Variants in RHOF observed in about 807,000 individuals in gnomAD.
RHOF encodes rho-related GTP-binding protein RhoF.
In RHOF, 21 loss-of-function variants were observed where a neutral mutation model predicts 22.2. That is an observed-to-expected ratio of 0.95 (90% confidence interval 0.67 to 1.36). The LOEUF is 1.36. Ranked by LOEUF, RHOF falls within the 40% of genes most tolerant of loss-of-function variation. The probability of loss-of-function intolerance (pLI) is 0.00; values close to 1 mark genes in which losing one functional copy is unlikely to be tolerated. For missense variants in RHOF, 285 were observed against 293.7 expected (o/e 0.97, Z 0.22); for synonymous variants, 135 against 131.2 (o/e 1.03, Z -0.20).
chr12:121,793,676 G>A lies in RHOF; in HGVS notation c.-43C>T, dbSNP rs1445372357. 1 of 1,482,796 alleles carries A rather than the reference G, an allele frequency of 6.7e-7. No homozygotes were observed. The highest frequency in any genetic ancestry group is 8.9e-7 in the Non-Finnish European group (1 of 1,124,174). 91.9% of individuals were successfully genotyped at this position (1,482,796 alleles called of 1,614,324 possible). A position where few individuals can be genotyped will look rare whatever the true frequency, so the allele number is the denominator to read the frequency against. On this transcript the variant is annotated 5_prime_UTR_variant, in exon 1 of 5. Coordinates refer to ENST00000267205, the MANE Select transcript of RHOF (RefSeq NM_019034.3). The stretch of plus-strand genomic sequence containing the variant: ...ACTGGCGGCGGCGCGCCGGGCACTA[G>A]CGGAGCCAAGAGGTCGGGGGCGGGG...
In RHOF at chr12:121,793,612, C is replaced by T. The variant is rs1202373188; in HGVS notation, c.22G>A (p.Ala8Thr). Residue 8 changes from alanine to threonine, a missense_variant, in exon 1 of 5, where the codon GCC (alanine) becomes ACC (threonine). By Grantham distance (58) the Ala-to-Thr change is moderately conservative. Transcript: ENST00000267205. ...CCCGGACCGGGGGCGGCGGTCTGGG[C>T]CAGGGCCCCGGGGGCATCCATTGCC... The part of the protein sequence containing the change: MDAPGAL[A>T]QTAAPGPGRK... 2 of 1,548,578 alleles carry T rather than the reference C, an allele frequency of 1.3e-6. No homozygotes were observed. The highest frequency in any genetic ancestry group is 1.7e-6 in the Non-Finnish European group (2 of 1,152,906).
rs559039409 is a variant in RHOF at position 121,787,758 on chromosome 12, C to T, written c.226+5394G>A. On this transcript the variant is annotated intron_variant, in intron 2 of 4. Coordinates refer to ENST00000267205, the MANE Select transcript of RHOF (RefSeq NM_019034.3). ...CTCTACTAAAAATACAAAAATTAGC[C>T]GGATGTGGTGGCATATGCCTGTAAT... 7.2e-5 allele frequency among the ~76,000 whole-genome samples: 11 copies of T among 152,056 alleles called. No homozygotes were observed. The South Asian group carries it at 1.0e-3, about 14-fold the overall frequency.
At position 121,778,505 on chromosome 12, in the gene RHOF, G is replaced by A. The variant is rs1203766658; in HGVS notation, c.*993C>T. On this transcript the variant is annotated 3_prime_UTR_variant, in exon 5 of 5. Transcript: ENST00000267205. ...CCCTCGGCCCCAGACCTTCCCAAAG[G>A]AGGCTCAGGGATTAGGTATCTGGCT... is the stretch of plus-strand genomic sequence containing the variant. 6.6e-6 allele frequency: 1 copy of A among 151,634 alleles called. No individual in the cohort carries two copies. Among genetic ancestry groups the A allele is most frequent in the Non-Finnish European group, 1.5e-5 (1 of 68,092 alleles). The allele number at this position is 151,634 out of a possible 1,614,324, so 9.4% of individuals were successfully genotyped here.
At chr12:121,788,191 GCCC>G (rs1874662784) in intron 2 of RHOF, among the ~76,000 whole-genome samples, 1 of 152,162 alleles carries the variant, frequency 6.6e-6, no homozygotes, top group Non-Finnish European at 1.5e-5. Flanking sequence ...GGAGTGACTT[GCCC>G]CAGGCCACAC....
chr12:121,793,210 G>A lies in RHOF; in HGVS notation c.168C>T (p.Tyr56=), dbSNP rs768028609. The stretch of plus-strand genomic sequence containing the variant: ...TGCTGCCAACGGTCACGCTGGCCGT[G>A]TACTTCTCGAACACCGATGGGGCGT... ...EHYAPSVFEK[Y]TASVTVGSKE... Residue 56 remains tyrosine (Y), a synonymous_variant, in exon 2 of 5, where the codon TAC becomes TAT. Transcript: ENST00000267205. The A allele has an allele frequency of 4.5e-6, 7 of 1,550,974 alleles. No individual in the cohort carries two copies. The South Asian group carries it at 8.3e-5, about 18-fold the overall frequency.
rs765264424 is a variant in RHOF, at chr12:121,780,970, G to A, written c.373C>T (p.Pro125Ser). The stretch of plus-strand genomic sequence containing the variant: ...GTCTTGCAGCCGATGAGCACCATGG[G>A]GATCCCGCGGCAGAAATGCGTGACC... ...PEVTHFCRGI[P>S]MVLIGCKTDL... Residue 125 changes from proline (P) to serine (S), a missense_variant, in exon 4 of 5, where the codon CCC becomes TCC. Coordinates refer to ENST00000267205, the MANE Select transcript of RHOF (RefSeq NM_019034.3). 6.2e-7 allele frequency: 1 copy of A among 1,613,996 alleles called. No individual in the cohort carries two copies.
At chr12:121,789,019 G>A (rs554741424) in intron 2 of RHOF, among the ~76,000 whole-genome samples, 12 of 152,252 alleles carry the variant, frequency 7.9e-5, no homozygotes, top group South Asian at 4.1e-4. Flanking sequence ...TCACCTGCCC[G>A]TAGTCACAGA....
At chr12:121,789,356 G>A (rs538409071) in intron 2 of RHOF, among the ~76,000 whole-genome samples, 5 of 152,246 alleles carry the variant, frequency 3.3e-5, no homozygotes, top group East Asian at 1.9e-4. Flanking sequence ...GCACTCAGGC[G>A]GTGCGGCAGG....
chr12:121,780,789 C>T lies in RHOF; in HGVS notation c.471+83G>A, dbSNP rs746517555. 9 of 1,492,004 alleles carry T rather than the reference C, an allele frequency of 6.0e-6. 1 individual carries two copies. The South Asian group carries it at 1.0e-4, about 17-fold the overall frequency. The allele number at this position is 1,492,004 out of a possible 1,614,324, so 92.4% of individuals were successfully genotyped here. The stretch of plus-strand genomic sequence containing the variant: ...CTTCCCTCAGCTCCCTGAAAGGCCA[C>T]TAAGGCACCCCAGTTGCAGAGGCCA... On this transcript the variant is annotated intron_variant, in intron 4 of 4. Coordinates refer to ENST00000267205, the MANE Select transcript of RHOF (RefSeq NM_019034.3).
rs1355830188 is a variant in RHOF, at chr12:121,793,162, G to A, written c.216C>T (p.Tyr72=). ...VGSKEVTLNL[Y]DTAGQEDYDR... is the part of the protein sequence containing the mutation. The stretch of plus-strand genomic sequence containing the variant: ...CGCAGGCGCACTCACCGGCCGTGTC[G>A]TAGAGGTTCAGGGTCACCTCCTTGC... Residue 72 remains tyrosine (Y), a synonymous_variant, in exon 2 of 5, where the codon TAC becomes TAT. Transcript: ENST00000267205. 2 of 1,550,262 alleles carry A rather than the reference G, an allele frequency of 1.3e-6. No individual in the cohort carries two copies. Among genetic ancestry groups the A allele is most frequent in the African/African-American group, 1.4e-5 (1 of 73,170 alleles).
Position 121,779,594 on chromosome 12 carries a change from A to G in RHOF, c.540T>C (p.Asn180=). ...YLECSAKFRE[N]VEDVFREAAK... ...CGGCCTCCCGGAAGACGTCCTCCAC[A>G]TTCTCCCGAAACTTGGCGGAACATT... The change falls in exon 5 of 5, where the codon AAT becomes AAC. Residue 180 remains asparagine, a synonymous_variant. Coordinates refer to ENST00000267205, the MANE Select transcript of RHOF (RefSeq NM_019034.3). 2 of 1,614,138 alleles carry G rather than the reference A, an allele frequency of 1.2e-6. No individual in the cohort carries two copies. The highest frequency in any genetic ancestry group is 2.2e-5 in the East Asian group (1 of 44,884).
At chr12:121,788,468 C>T (rs540822638) in intron 2 of RHOF, among the ~76,000 whole-genome samples, 202 of 144,536 alleles carry the variant, frequency 1.4e-3, no homozygotes, top group Non-Finnish European at 2.5e-3. Flanking sequence ...GCCTTTGGGG[C>T]GTGGGGGTGG....
chr12:121,784,559 AG>A (rs1321260713), intron 2 of RHOF, among the ~76,000 whole-genome samples: 5 of 151,270 alleles, frequency 3.3e-5, no homozygotes, highest in African/African-American at 7.3e-5. Context: ...AAAAAAAAAA[AG>A]AAAAAAAAAT....
chr12:121,781,219 G>T (rs972381256), intron 2 of RHOF, 27 bp from the exon 3 acceptor site: 1 of 1,603,142 alleles, frequency 6.2e-7, no homozygotes, highest in African/African-American at 1.3e-5. Flanking sequence ...GCGGGGGTCA[G>T]GGGACGTCCC....
intron 2 of RHOF, among the ~76,000 whole-genome samples, chr12:121,787,973 C>T (rs1270474389): frequency 6.6e-6 from 1 of 150,882 alleles, no homozygotes; most frequent in Non-Finnish European, 1.5e-5. Flanking sequence ...TCATAGCTCA[C>T]TCCAGCCTCA....
intron 1 of RHOF, 94 bp downstream of exon 1, chr12:121,793,402 C>CCGTGCT: frequency 6.0e-6 from 9 of 1,497,028 alleles, no homozygotes; most frequent in Non-Finnish European, 8.1e-6. Flanking sequence ...GGCCGCCTGT[C>CCGTGCT]CGTGCTCGGG....
At position 121,793,635 on chromosome 12, in the gene RHOF, G is replaced by T; in HGVS notation, c.-2C>A. On this transcript the variant is annotated 5_prime_UTR_variant, in exon 1 of 5. Transcript: ENST00000267205. ...GGCCAGGGCCCCGGGGGCATCCATT[G>T]CCCGGAGCCCGCAGCACTGGCGGCG... The T allele has an allele frequency of 2.6e-6, 4 of 1,534,560 alleles. No individual in the cohort carries two copies. The highest frequency in any genetic ancestry group is 3.5e-6 in the Non-Finnish European group (4 of 1,146,560).
chr12:121,788,821 G>A (rs1204211223), intron 2 of RHOF, among the ~76,000 whole-genome samples: 3 of 152,146 alleles, frequency 2.0e-5, no homozygotes, highest in Admixed American at 6.5e-5. Context: ...GGGCAGTGCC[G>A]GGAGGCAGGA....
intron 2 of RHOF, among the ~76,000 whole-genome samples, chr12:121,787,112 G>C (rs1242073536): frequency 6.6e-6 from 1 of 152,172 alleles, no homozygotes; most frequent in Non-Finnish European, 1.5e-5. Context: ...CCTGCGGGCA[G>C]GAACCACCTC....
Sources: allele counts gnomAD v4.1 joint callset (sites outside exome capture counted in the v4.1 genomes callset), GRCh38; gene constraint gnomAD v4.1.1; transcripts MANE v1.5; gene names NCBI Gene and HGNC (gene_info 2026-07-23, HGNC 2026-07-21).